The following CNTN4 variants were observed in gnomAD, a reference collection of about 807,000 sequenced individuals.
CNTN4 encodes contactin 4, also known as contactin-4.
In CNTN4, 77 loss-of-function variants were observed where a neutral mutation model predicts 122.5. That is an observed-to-expected ratio of 0.63 (90% CI 0.52 to 0.76). The LOEUF (loss-of-function observed/expected upper bound fraction) is 0.76, where lower values mean the gene tolerates loss of function less well. Ranked by LOEUF, CNTN4 falls within the 30% of genes least tolerant of loss-of-function variation. The probability of loss-of-function intolerance (pLI) is 0.00; values close to 1 mark genes in which losing one functional copy is unlikely to be tolerated. For missense variants in CNTN4, 1,256 were observed against 1,259.1 expected, an observed-to-expected ratio of 1.00 and a Z score of 0.04; for synonymous variants, 512 against 447.0, an observed-to-expected ratio of 1.15 and a Z score of -1.83.
chr3:2,586,387 C>T (rs1329032640), intron 4 of CNTN4, among the ~76,000 whole-genome samples: 2 of 152,230 alleles, frequency 1.3e-5, no homozygotes, highest in Admixed American at 6.5e-5. Flanking sequence ...CTGCCTCCCA[C>T]GTTCAAGCGA....
chr3:2,678,915 A>AG (rs11454194), intron 4 of CNTN4, among the ~76,000 whole-genome samples: 55,971 of 151,802 alleles, frequency 0.37, 10,863 homozygotes, highest in South Asian at 0.53. Flanking sequence ...TGGATGATCA[A>AG]GGGGTAAAAG....
chr3:2,636,075 A>G (rs1271031003), intron 4 of CNTN4, among the ~76,000 whole-genome samples: 2 of 152,156 alleles, frequency 1.3e-5, no homozygotes, highest in African/African-American at 4.8e-5. Flanking sequence ...CTGATCTCCC[A>G]TCTCCTTGGC....
intron 3 of CNTN4, among the ~76,000 whole-genome samples, chr3:2,492,270 A>G (rs772364340): frequency 1.1e-4 from 17 of 152,128 alleles, no homozygotes; most frequent in Non-Finnish European, 2.4e-4. Flanking sequence ...CGCCTGTTTT[A>G]TAGCATTTGT....
rs74884274 is a variant in CNTN4 at position 2,387,556 on chromosome 3, A to T, written c.-89+48323A>T. 9.7e-3 allele frequency among the ~76,000 whole-genome samples: 1,471 copies of T among 152,220 alleles called. 54 individuals carry two copies. Among genetic ancestry groups the T allele is most frequent in the East Asian group, 0.074 (385 of 5,176 alleles). On this transcript the variant is annotated intron_variant, in intron 3 of 24. Transcript: ENST00000418658. ...AATTTGTTTATATTACTATTTGGTT[A>T]CTTAATACATAGAAGAATATTTAAT... is the stretch of plus-strand genomic sequence containing the variant.
At chr3:2,524,150 A>T (rs570555883) in intron 3 of CNTN4, among the ~76,000 whole-genome samples, 3 of 151,976 alleles carry the variant, frequency 2.0e-5, no homozygotes, top group Non-Finnish European at 4.4e-5. Context: ...GTCGCTTCCC[A>T]TTTCTCCTCA....
At chr3:2,471,499 G>C (rs916463595) in intron 3 of CNTN4, among the ~76,000 whole-genome samples, 8 of 152,062 alleles carry the variant, frequency 5.3e-5, no homozygotes, top group Admixed American at 2.0e-4. Flanking sequence ...GAAGTGAGTG[G>C]CATCTGTGTT....
chr3:2,177,289 A>G (rs1293588786), intron 2 of CNTN4, among the ~76,000 whole-genome samples: 2 of 152,144 alleles, frequency 1.3e-5, no homozygotes, highest in Admixed American at 6.6e-5. Flanking sequence ...TGTGATTTTC[A>G]TGTATTTTAT....
At chr3:2,115,182 C>T (rs555493498) in intron 2 of CNTN4, among the ~76,000 whole-genome samples, 5 of 152,312 alleles carry the variant, frequency 3.3e-5, no homozygotes, top group African/African-American at 9.6e-5. Flanking sequence ...ACCCTCTCCT[C>T]ATACGTAGAA....
At chr3:2,658,694 T>C (rs1276486292) in intron 4 of CNTN4, among the ~76,000 whole-genome samples, 1 of 152,128 alleles carries the variant, frequency 6.6e-6, no homozygotes, top group Non-Finnish European at 1.5e-5. Flanking sequence ...TGTTTAATAT[T>C]AGCTCATAAT....
chr3:2,671,927 G>A (rs1478927856), intron 4 of CNTN4, among the ~76,000 whole-genome samples: 2 of 152,190 alleles, frequency 1.3e-5, no homozygotes, highest in Non-Finnish European at 2.9e-5. Flanking sequence ...TTGCTGAACA[G>A]CAAATATTGC....
rs1166865062 is a variant in CNTN4, at chr3:2,249,454, G to T, written c.-144-89724G>T. On this transcript the variant is annotated intron_variant, in intron 2 of 24. Coordinates refer to ENST00000418658, the MANE Select transcript of CNTN4 (RefSeq NM_175607.3). ...GTGTACTTTTTTTCCAGGACAGTTA[G>T]TGTGTCTGAAAGTGAGCAGCTAGAA... Among the ~76,000 whole-genome samples the T allele has an allele frequency of 3.3e-5, 5 of 152,056 alleles. No homozygotes were observed. The East Asian group carries it at 9.7e-4, about 29-fold the overall frequency.
At chr3:2,706,562 G>A (rs1275462416) in intron 4 of CNTN4, among the ~76,000 whole-genome samples, 1 of 152,076 alleles carries the variant, frequency 6.6e-6, no homozygotes, top group South Asian at 2.1e-4. Flanking sequence ...GTAATATTGG[G>A]GAGGTAGAGT....
At chr3:2,181,439 G>A (rs927627378) in intron 2 of CNTN4, among the ~76,000 whole-genome samples, 51 of 152,128 alleles carry the variant, frequency 3.4e-4, no homozygotes, top group African/African-American at 8.7e-4. Flanking sequence ...CCAGTAGAAC[G>A]TATCAAACGC....
chr3:2,697,744 C>T (rs1194104531), intron 4 of CNTN4, among the ~76,000 whole-genome samples: 1 of 152,100 alleles, frequency 6.6e-6, no homozygotes, highest in Non-Finnish European at 1.5e-5. Flanking sequence ...TTTTAAGGAA[C>T]TGGCTCATGC....
chr3:2,528,638 G>C (rs1252133092), intron 3 of CNTN4, among the ~76,000 whole-genome samples: 1 of 152,102 alleles, frequency 6.6e-6, no homozygotes, highest in Non-Finnish European at 1.5e-5. Context: ...GCATTATTGA[G>C]ATTATAGGTG....
At chr3:2,435,230 C>T (rs1187824433) in intron 3 of CNTN4, among the ~76,000 whole-genome samples, 2 of 152,112 alleles carry the variant, frequency 1.3e-5, no homozygotes, top group African/African-American at 2.4e-5. Flanking sequence ...TCAGTGTCTG[C>T]GAGGAATTGC....
chr3:2,108,922 A>T (rs55948562), intron 2 of CNTN4, among the ~76,000 whole-genome samples: 1 of 152,300 alleles, frequency 6.6e-6, no homozygotes, highest in Non-Finnish European at 1.5e-5. Context: ...TCTTGCCTAA[A>T]ACATAGTAGA....
intron 13 of CNTN4, among the ~76,000 whole-genome samples, chr3:2,930,770 A>G (rs2094513256): frequency 6.6e-6 from 1 of 152,126 alleles, no homozygotes; most frequent in South Asian, 2.1e-4. Flanking sequence ...TGCAGCACTC[A>G]CTGGGTATTT....
intron 3 of CNTN4, among the ~76,000 whole-genome samples, chr3:2,400,434 T>TATATATATAC (rs2046812759): frequency 1.6e-5 from 2 of 124,520 alleles, no homozygotes; most frequent in Admixed American, 8.1e-5. Context: ...TATACATATA[T>TATATATATAC]ATATATATAT....
Sources: allele counts gnomAD v4.1 joint callset (sites outside exome capture counted in the v4.1 genomes callset), GRCh38; gene constraint gnomAD v4.1.1; transcripts MANE v1.5; gene names NCBI Gene and HGNC (gene_info 2026-07-23, HGNC 2026-07-21).